Variants in DHRS4L2 observed in about 807,000 individuals in gnomAD.
DHRS4L2 encodes the protein dehydrogenase/reductase 4 like 2.
Under a neutral mutation model 23.9 loss-of-function variants are expected in DHRS4L2, and 22 were observed. The ratio of observed to expected loss-of-function variants is 0.92; its 90% CI spans 0.66 to 1.31. The LOEUF is 1.31. Among genes scored for constraint, DHRS4L2 ranks in the 40% most tolerant of loss-of-function variants. The pLI is 0.00. For missense variants in DHRS4L2, 385 were observed against 303.3 expected (o/e 1.27, Z -2.00); for synonymous variants, 141 against 123.7 (o/e 1.14, Z -0.93).
rs2034485078 is a variant in DHRS4L2 at position 24,001,364 on chromosome 14, A to G, written c.532-20A>G. On this transcript the variant is annotated intron_variant, in intron 5 of 7. Coordinates refer to ENST00000335125, the MANE Select transcript of DHRS4L2 (RefSeq NM_198083.4). ...ATGACCTGGAAACTATGAGTCTAAC[A>G]CATTCTCTTCTTTCTCCAGGGCTTC... 6.2e-7 allele frequency: 1 copy of G among 1,601,352 alleles called. No homozygotes were observed. Among genetic ancestry groups the G allele is most frequent in the Non-Finnish European group, 8.5e-7 (1 of 1,176,960 alleles).
chr14:23,997,851 A>G (rs1431141688), intron 3 of DHRS4L2, among the ~76,000 whole-genome samples: 1 of 151,802 alleles, frequency 6.6e-6, no homozygotes, highest in Admixed American at 6.6e-5. Context: ...CCTCCCATGA[A>G]TCACAAATAT....
intron 1 of DHRS4L2, among the ~76,000 whole-genome samples, chr14:23,970,670 G>A (rs2033836631): frequency 6.6e-6 from 1 of 152,076 alleles, no homozygotes; most frequent in African/African-American, 2.4e-5. Flanking sequence ...GCCTCCCCGA[G>A]TGGGTCCCTG....
rs1166621789 is a variant in DHRS4L2, at chr14:23,979,219, G to T, written c.-176+8887G>T. ...CAAGGCCATTACATAATGGTAAAGG[G>T]ATCAATTCAACAAGAAGAGCTAACT... On this transcript the variant is annotated intron_variant, in intron 1 of 5. Transcript: ENST00000534993. Among the ~76,000 whole-genome samples the T allele has an allele frequency of 1.0e-4, 15 of 148,852 alleles. 2 individuals carry two copies. Among genetic ancestry groups the T allele is most frequent in the Non-Finnish European group, 1.8e-4 (12 of 67,262 alleles).
chr14:23,988,490 T>A (rs1027910197), upstream of DHRS4L2, among the ~76,000 whole-genome samples: 7 of 150,324 alleles, frequency 4.7e-5, no homozygotes, highest in Admixed American at 2.0e-4. Flanking sequence ...CTCACCTCCA[T>A]GGGCAGTCTC....
In DHRS4L2 at chr14:23,979,206, A is replaced by T. The variant is rs967530339; in HGVS notation, c.-176+8874A>T. Among the ~76,000 whole-genome samples the T allele has an allele frequency of 5.4e-5, 8 of 149,362 alleles. 1 individual carries two copies. The highest frequency in any genetic ancestry group is 2.0e-4 in the African/African-American group (8 of 40,398). On this transcript the variant is annotated intron_variant, in intron 1 of 5. Transcript: ENST00000534993. ...AGATCAAAAGAGACAAGGCCATTACATAATGGTAAAGGGATCAATTCAACA... is the reference window on the plus strand; with the variant it reads ...AGATCAAAAGAGACAAGGCCATTACTTAATGGTAAAGGGATCAATTCAACA...
At chr14:23,979,473 TC>T (rs2034022480) in intron 1 of DHRS4L2, among the ~76,000 whole-genome samples, 1 of 97,472 alleles carries the variant, frequency 1.0e-5, no homozygotes, top group Non-Finnish European at 1.9e-5. Context: ...TACAGAACTC[TC>T]CACCCCAAGT....
chr14:23,971,684 A>C (rs917455704), intron 1 of DHRS4L2, among the ~76,000 whole-genome samples: 11 of 152,060 alleles, frequency 7.2e-5, no homozygotes, highest in African/African-American at 2.7e-4. Context: ...CAACATTCTG[A>C]AAGAAAAGAT....
intron 1 of DHRS4L2, among the ~76,000 whole-genome samples, chr14:23,976,480 A>G (rs1202037063): frequency 6.6e-6 from 1 of 151,874 alleles, no homozygotes; most frequent in African/African-American, 2.4e-5. Flanking sequence ...ATGTGGAGAA[A>G]TAGGAAGGCT....
In DHRS4L2 at chr14:23,970,915, G is replaced by C. The variant is rs374801557; in HGVS notation, c.-176+583G>C. On this transcript the variant is annotated intron_variant, in intron 1 of 5. Coordinates refer to the DHRS4L2 transcript ENST00000534993. ...TAGAAGGAAAACTAACAAACAGAAA[G>C]GAATAGCATCAACATCAGCAAAGGA... is the stretch of plus-strand genomic sequence containing the variant. Among the ~76,000 whole-genome samples, 74 of 152,134 alleles carry C rather than the reference G, an allele frequency of 4.9e-4. 1 individual carries two copies. Among genetic ancestry groups the C allele is most frequent in the Admixed American group, 3.9e-3 (59 of 15,286 alleles).
intron 2 of DHRS4L2, among the ~76,000 whole-genome samples, chr14:23,991,415 G>A (rs1312312285): frequency 6.6e-6 from 1 of 151,760 alleles, no homozygotes; most frequent in Non-Finnish European, 1.5e-5. Flanking sequence ...GGATCAATTA[G>A]CACTAACCAT....
At chr14:23,976,458 A>C (rs1457826181) in intron 1 of DHRS4L2, among the ~76,000 whole-genome samples, 1 of 151,784 alleles carries the variant, frequency 6.6e-6, no homozygotes, top group Non-Finnish European at 1.5e-5. Context: ...GAAACAATAG[A>C]AGCTGGAGAG....
rs1035243707 is a variant in DHRS4L2 at position 23,973,520 on chromosome 14, C to T, written c.-176+3188C>T. Among the ~76,000 whole-genome samples the T allele has an allele frequency of 1.3e-4, 19 of 151,910 alleles. 1 individual carries two copies. Among genetic ancestry groups the T allele is most frequent in the African/African-American group, 4.6e-4 (19 of 41,346 alleles). On this transcript the variant is annotated intron_variant, in intron 1 of 5. Coordinates refer to the DHRS4L2 transcript ENST00000534993. Reference sequence around the variant, plus strand: ...AGGTGCCAAGAGTGAGCGAGGGCTGCCAGCACACTGCCACCTCTCAAAGGG... The same window carrying T: ...AGGTGCCAAGAGTGAGCGAGGGCTGTCAGCACACTGCCACCTCTCAAAGGG...
chr14:24,005,923 T>C lies in DHRS4L2; in HGVS notation c.*60T>C, dbSNP rs1282414095. ...AGAGGATTGTGCTGGCATCGTGTCT[T>C]TCCTGTGCTCTGAAGATGCCAGCTA... On this transcript the variant is annotated 3_prime_UTR_variant, in exon 8 of 8. Coordinates refer to ENST00000335125, the MANE Select transcript of DHRS4L2 (RefSeq NM_198083.4). 1.2e-6 allele frequency: 2 copies of C among 1,609,802 alleles called. No individual in the cohort carries two copies. Among genetic ancestry groups the C allele is most frequent in the African/African-American group, 1.3e-5 (1 of 74,450 alleles).
intron 6 of DHRS4L2, 82 bp from the exon 7 acceptor site, chr14:24,004,255 C>G (rs1243295827): frequency 2.8e-6 from 4 of 1,421,120 alleles, no homozygotes; most frequent in African/African-American, 2.1e-5. Context: ...GGCAAAAGAG[C>G]AAGACTCCGT....
At chr14:23,999,130 CCTT>C (rs1566499777) in intron 3 of DHRS4L2, among the ~76,000 whole-genome samples, 2 of 143,574 alleles carry the variant, frequency 1.4e-5, no homozygotes, top group East Asian at 4.2e-4. Flanking sequence ...ATTAAGTTGA[CCTT>C]CTTTTCTGGG....
At chr14:23,989,376 G>A (rs1426528803) in intron 1 of DHRS4L2, among the ~76,000 whole-genome samples, 2 of 151,692 alleles carry the variant, frequency 1.3e-5, no homozygotes, top group East Asian at 3.9e-4. Flanking sequence ...CCTCTGGGAA[G>A]ACCAGAAACT....
At chr14:23,987,122 GA>G (rs2034161110), upstream of DHRS4L2, 1 of 279,680 alleles carries the variant, frequency 3.6e-6, no homozygotes, top group Non-Finnish European at 7.1e-6. Flanking sequence ...TTTGAATGTT[GA>G]AATCCTTGTT....
intron 1 of DHRS4L2, among the ~76,000 whole-genome samples, chr14:23,972,033 C>T (rs1440022944): frequency 3.3e-5 from 5 of 151,634 alleles, no homozygotes; most frequent in African/African-American, 7.3e-5. Context: ...CACAGACTGG[C>T]AAATTGGATA....
intron 1 of DHRS4L2, among the ~76,000 whole-genome samples, chr14:23,976,062 T>TA (rs2033957867): frequency 6.6e-6 from 1 of 151,108 alleles, no homozygotes; most frequent in Non-Finnish European, 1.5e-5. Context: ...GACTTCATGA[T>TA]AAAAACACCA....
Sources: gnomAD v4.1 joint callset for allele counts (sites outside exome capture counted in the v4.1 genomes callset) on GRCh38, gnomAD v4.1.1 for gene constraint, MANE v1.5 for transcripts, NCBI Gene and HGNC (gene_info 2026-07-23, HGNC 2026-07-21) for gene names.